Variants in POLK observed in about 807,000 individuals in gnomAD.
POLK encodes DNA polymerase kappa, also known as polymerase (DNA directed) kappa.
A neutral mutation model predicts 94.0 loss-of-function variants in POLK; 76 were observed. That is an observed-to-expected ratio of 0.81 (90% CI 0.67 to 0.98). The LOEUF is 0.98. POLK is among the 50% of genes least tolerant of loss of function. The probability of loss-of-function intolerance (pLI) is 0.00; values close to 1 mark genes in which losing one functional copy is unlikely to be tolerated. For synonymous variants in POLK, 349 were observed against 325.4 expected (o/e 1.07, Z -0.78); for missense variants, 954 against 1,010.1 (o/e 0.94, Z 0.75).
At chr5:75,570,496 A>G (rs980193825) in intron 4 of POLK, among the ~76,000 whole-genome samples, 4 of 152,240 alleles carry the variant, frequency 2.6e-5, no homozygotes, top group Non-Finnish European at 5.9e-5. Flanking sequence ...AATGATTACT[A>G]TCTGGACTTC....
chr5:75,511,808 A>G, exon 1 of POLK: 1 of 1,551,444 alleles, frequency 6.4e-7, no homozygotes, highest in Non-Finnish European at 8.7e-7. Flanking sequence ...GGAGCGGAGA[A>G]AGGAGAGGGC....
At chr5:75,596,445 A>T in exon 13 of POLK, 4 of 1,613,756 alleles carry the variant, frequency 2.5e-6, no homozygotes, top group Non-Finnish European at 3.4e-6. Context: ...ATACATTTAA[A>T]TGTGAAGCCG....
intron 3 of POLK, among the ~76,000 whole-genome samples, chr5:75,556,424 A>C (rs1245509227): frequency 6.6e-6 from 1 of 152,196 alleles, no homozygotes; most frequent in Non-Finnish European, 1.5e-5. Flanking sequence ...CCTGTATCAG[A>C]TATGTCTTTT....
chr5:75,594,475 TA>T (rs1193461182), intron 12 of POLK, among the ~76,000 whole-genome samples: 2 of 152,234 alleles, frequency 1.3e-5, no homozygotes, highest in African/African-American at 2.4e-5. Flanking sequence ...TTAAAGTTGT[TA>T]TTTTCCTTAT....
chr5:75,530,350 A>G (rs543101821), intron 1 of POLK, among the ~76,000 whole-genome samples: 243 of 140,436 alleles, frequency 1.7e-3, no homozygotes, highest in Non-Finnish European at 2.5e-3. Flanking sequence ...CCCAGGTTCA[A>G]GCAATTCTCC....
chr5:75,531,380 C>T (rs916715906), intron 1 of POLK, among the ~76,000 whole-genome samples: 2 of 150,986 alleles, frequency 1.3e-5, no homozygotes, highest in African/African-American at 4.9e-5. Flanking sequence ...TATATAGCTA[C>T]CAGTATATAG....
chr5:75,608,230 G>A, the POLK span, among the ~76,000 whole-genome samples: 1 of 149,506 alleles, frequency 6.7e-6, no homozygotes, highest in Non-Finnish European at 1.5e-5. Flanking sequence ...GTCTTGCTCT[G>A]TCACCCAGGT....
chr5:75,583,379 G>T, exon 8 of POLK: 8 of 1,604,910 alleles, frequency 5.0e-6, no homozygotes, highest in Non-Finnish European at 6.8e-6. Flanking sequence ...CAATAGACAA[G>T]CTGTGATGGA....
At chr5:75,570,429 T>C (rs1226445931) in intron 4 of POLK, among the ~76,000 whole-genome samples, 1 of 152,220 alleles carries the variant, frequency 6.6e-6, no homozygotes, top group Admixed American at 6.5e-5. Flanking sequence ...ATTTATTTAT[T>C]ACTATTGTTG....
chr5:75,536,208 G>A (rs1769436711), intron 1 of POLK, among the ~76,000 whole-genome samples: 1 of 152,078 alleles, frequency 6.6e-6, no homozygotes, highest in African/African-American at 2.4e-5. Context: ...TCTGTTCCTG[G>A]GTCTTGGAGG....
intron 1 of POLK, among the ~76,000 whole-genome samples, chr5:75,520,236 A>G (rs1287013499): frequency 6.6e-6 from 1 of 152,122 alleles, no homozygotes; most frequent in East Asian, 1.9e-4. Context: ...ACATATTTTT[A>G]TATTGCCTGT....
chr5:75,603,707 C>A (rs914805596), downstream of POLK, among the ~76,000 whole-genome samples: 3 of 152,186 alleles, frequency 2.0e-5, no homozygotes, highest in African/African-American at 7.2e-5. Context: ...ACAGACCAAG[C>A]TGTTTCTCCT....
At chr5:75,555,955 G>A (rs189063088) in intron 3 of POLK, among the ~76,000 whole-genome samples, 3 of 152,312 alleles carry the variant, frequency 2.0e-5, no homozygotes, top group African/African-American at 2.4e-5. Flanking sequence ...TATGAATAAA[G>A]CTGCTGTAAA....
chr5:75,544,591 G>C (rs750974130), intron 1 of POLK, among the ~76,000 whole-genome samples: 2 of 151,752 alleles, frequency 1.3e-5, no homozygotes, highest in Admixed American at 1.3e-4. Context: ...GCAGTAAGCC[G>C]AGATCACACC....
chr5:75,594,136 T>G, intron 12 of POLK, 87 bp downstream of exon 12: 1 of 821,406 alleles, frequency 1.2e-6, no homozygotes, highest in Middle Eastern at 3.7e-4. Context: ...GGCCCCCAAC[T>G]TAACAATGGT....
At chr5:75,534,450 G>A (rs5744565) in intron 1 of POLK, among the ~76,000 whole-genome samples, 1 of 151,936 alleles carries the variant, frequency 6.6e-6, no homozygotes, top group African/African-American at 2.4e-5. Context: ...ATGGCATTTG[G>A]TCTATTACCT....
At chr5:75,511,257 C>T, upstream of POLK, 2 of 1,600,348 alleles carry the variant, frequency 1.2e-6, no homozygotes, top group Non-Finnish European at 1.7e-6. Flanking sequence ...CTCAGCTGCG[C>T]CGGAGGAGGC....
intron 5 of POLK, among the ~76,000 whole-genome samples, chr5:75,575,456 C>T (rs891816124): frequency 6.6e-6 from 1 of 152,208 alleles, no homozygotes; most frequent in Non-Finnish European, 1.5e-5. Context: ...GCTGGGATTA[C>T]AGGCATGAGC....
At chr5:75,557,347 T>A (rs1419541560) in intron 3 of POLK, among the ~76,000 whole-genome samples, 2 of 152,180 alleles carry the variant, frequency 1.3e-5, no homozygotes, top group African/African-American at 2.4e-5. Flanking sequence ...TTAGACTCAG[T>A]TTGTTGACAT....
Sources: allele counts gnomAD v4.1 joint callset (sites outside exome capture counted in the v4.1 genomes callset), GRCh38; gene constraint gnomAD v4.1.1; transcripts MANE v1.5; gene names NCBI Gene and HGNC (gene_info 2026-07-23, HGNC 2026-07-21).